The following MED12L variants were observed in gnomAD, a reference collection of about 807,000 sequenced individuals.
The protein encoded by MED12L is mediator of RNA polymerase II transcription subunit 12-like protein.
A neutral mutation model predicts 281.3 loss-of-function variants in MED12L; 60 were observed. The ratio of observed to expected loss-of-function variants is 0.21; its 90% CI spans 0.17 to 0.26. MED12L has a LOEUF of 0.26. Among genes scored for constraint, MED12L ranks in the 10% least tolerant of loss-of-function variants. The pLI is 1.00. For synonymous variants in MED12L, 974 were observed against 987.2 expected, an observed-to-expected ratio of 0.99 and a Z score of 0.25; for missense variants, 2,146 against 2,680.9, an observed-to-expected ratio of 0.80 and a Z score of 4.41.
intron 16 of MED12L, among the ~76,000 whole-genome samples, chr3:151,325,595 C>T (rs993809027): frequency 1.3e-5 from 2 of 152,108 alleles, no homozygotes; most frequent in Non-Finnish European, 2.9e-5. Flanking sequence ...CTCTACTATG[C>T]CTCTTCACCA....
At chr3:151,197,748 TAAA>T (rs1724870635) in intron 16 of MED12L, 1 of 152,674 alleles carries the variant, frequency 6.5e-6, no homozygotes, top group African/African-American at 2.4e-5. Flanking sequence ...GAGAAGTCAC[TAAA>T]TGTATTATTA....
At chr3:151,183,494 C>CA (rs1413662975) in intron 11 of MED12L, among the ~76,000 whole-genome samples, 32 of 152,196 alleles carry the variant, frequency 2.1e-4, no homozygotes. Context: ...TGCTGATCTT[C>CA]AGAGTGTCGT....
At position 151,138,980 on chromosome 3, in the gene MED12L, T is replaced by TCTACCTACCTACCTAC. The variant is rs374854260; in HGVS notation, c.556+11003_556+11018dup. ...TTCTGCATGGGTGATTTGTCTCTTATCTACCTACCTACCTACCTACCTGCC... is the reference window on the plus strand; with the variant it reads ...TTCTGCATGGGTGATTTGTCTCTTATCTACCTACCTACCTACCTACCTACCTACCTACCTACCTGCC... On this transcript the variant is annotated intron_variant, in intron 5 of 44. Coordinates refer to ENST00000687756, the MANE Select transcript of MED12L (RefSeq NM_001393769.1). Among the ~76,000 whole-genome samples the TCTACCTACCTACCTAC allele has an allele frequency of 6.4e-3, 915 of 142,996 alleles. 10 individuals are homozygous for TCTACCTACCTACCTAC. Among genetic ancestry groups the TCTACCTACCTACCTAC allele is most frequent in the African/African-American group, 0.023 (830 of 36,016 alleles). The allele number at this position is 142,996 out of a possible 152,430, so 93.8% of individuals were successfully genotyped here.
chr3:151,255,301 TCATGTGTGA>T (rs1244935665), intron 16 of MED12L, among the ~76,000 whole-genome samples: 3 of 152,190 alleles, frequency 2.0e-5, no homozygotes, highest in Non-Finnish European at 4.4e-5. Context: ...TGGGTACCCT[TCATGTGTGA>T]CATGCAGTGT....
chr3:151,418,144 A>C (rs1717834592), intron 43 of MED12L, among the ~76,000 whole-genome samples: 1 of 152,186 alleles, frequency 6.6e-6, no homozygotes, highest in African/African-American at 2.4e-5. Flanking sequence ...ACATTTTGTC[A>C]CATTTGCTTT....
chr3:151,165,591 C>T, intron 10 of MED12L, 72 bp downstream of exon 10: 1 of 1,320,160 alleles, frequency 7.6e-7, no homozygotes, highest in Non-Finnish European at 1.1e-6. Context: ...TTCTTATAAA[C>T]CATTCCACAT....
chr3:151,261,869 C>T lies in MED12L; in HGVS notation c.2250+68203C>T, dbSNP rs191836128. Among the ~76,000 whole-genome samples, 9 of 152,116 alleles carry T rather than the reference C, an allele frequency of 5.9e-5. No individual in the cohort carries two copies. The East Asian group carries it at 9.7e-4, about 16-fold the overall frequency. ...CCTCCCGAGTAGCTGGGACTACAGG[C>T]GTTCGTCACCATGCCTGGCTAATTT... On this transcript the variant is annotated intron_variant, in intron 16 of 44. Transcript: ENST00000687756.
intron 34 of MED12L, 40 bp from the exon 35 acceptor site, chr3:151,384,043 A>G (rs761401464): frequency 5.0e-6 from 8 of 1,585,878 alleles, no homozygotes; most frequent in Non-Finnish European, 6.9e-6. Flanking sequence ...AGTGTATTTC[A>G]GTTTCACTTT....
In MED12L at chr3:151,369,561, C is replaced by T. The variant is rs533053349; in HGVS notation, c.3664+12C>T. ...AATTATGATGCTTGGTAAGATTATT[C>T]TGACCCTAAGCTTCTTGGTTAATCA... On this transcript the variant is annotated intron_variant, in intron 26 of 44. Transcript: ENST00000687756. 1.9e-6 allele frequency: 3 copies of T among 1,546,842 alleles called. No individual in the cohort carries two copies. The highest frequency in any genetic ancestry group is 1.8e-5 in the Admixed American group (1 of 55,830).
At chr3:151,219,891 A>ACCC (rs141293857) in intron 16 of MED12L, among the ~76,000 whole-genome samples, 1 of 92,122 alleles carries the variant, frequency 1.1e-5, no homozygotes, top group Non-Finnish European at 2.1e-5. Context: ...GGTTTATATT[A>ACCC]CCCCCCCCCC....
chr3:151,337,749 T>C (rs1157481879), intron 16 of MED12L: 28 of 1,491,596 alleles, frequency 1.9e-5, no homozygotes, highest in Non-Finnish European at 2.4e-5. Context: ...GTTAATATTT[T>C]TACTTAGCGC....
At chr3:151,342,320 C>A (rs745319429) in intron 16 of MED12L, among the ~76,000 whole-genome samples, 2 of 152,216 alleles carry the variant, frequency 1.3e-5, no homozygotes, top group African/African-American at 4.8e-5. Flanking sequence ...CTTCTGTTAT[C>A]AGTGGGAATC....
intron 8 of MED12L, among the ~76,000 whole-genome samples, chr3:151,160,599 C>T (rs1719863822): frequency 6.6e-6 from 1 of 152,152 alleles, no homozygotes; most frequent in Non-Finnish European, 1.5e-5. Context: ...GAATGAGGTA[C>T]AGTCCTGCCC....
chr3:151,103,995 GTAT>G (rs1721701440), intron 2 of MED12L, among the ~76,000 whole-genome samples: 1 of 152,126 alleles, frequency 6.6e-6, no homozygotes, highest in Non-Finnish European at 1.5e-5. Flanking sequence ...TGAGGGAGTG[GTAT>G]TATTACCATG....
intron 43 of MED12L, among the ~76,000 whole-genome samples, chr3:151,425,981 T>C (rs536155702): frequency 1.3e-5 from 2 of 152,166 alleles, no homozygotes; most frequent in African/African-American, 2.4e-5. Context: ...GGAGAGATCA[T>C]CTTCTGTATG....
chr3:151,400,126 C>T (rs939569410), intron 39 of MED12L, among the ~76,000 whole-genome samples: 1 of 152,042 alleles, frequency 6.6e-6, no homozygotes, highest in Non-Finnish European at 1.5e-5. Flanking sequence ...CGCGCCAGGC[C>T]TTAAGGAACT....
At chr3:151,225,064 A>G (rs1730220394) in intron 16 of MED12L, among the ~76,000 whole-genome samples, 1 of 152,276 alleles carries the variant, frequency 6.6e-6, no homozygotes. Context: ...TTACCCAAGC[A>G]GAGCTGGATA....
chr3:151,397,228 G>A (rs149389586), intron 39 of MED12L, among the ~76,000 whole-genome samples: 6 of 152,222 alleles, frequency 3.9e-5, no homozygotes, highest in African/African-American at 1.4e-4. Flanking sequence ...CTTCATCTCA[G>A]ACTCACTTCA....
intron 2 of MED12L, among the ~76,000 whole-genome samples, chr3:151,094,370 G>A (rs186877838): frequency 6.7e-4 from 102 of 152,286 alleles, no homozygotes; most frequent in Non-Finnish European, 1.1e-3. Context: ...AGTCTCTTGA[G>A]CAGTGAAGGA....
Sources: allele counts gnomAD v4.1 joint callset (sites outside exome capture counted in the v4.1 genomes callset), GRCh38; gene constraint gnomAD v4.1.1; transcripts MANE v1.5; gene names NCBI Gene and HGNC (gene_info 2026-07-23, HGNC 2026-07-21).